The following GPAT4 variants were observed in gnomAD, a reference collection of about 807,000 sequenced individuals.
The protein encoded by GPAT4 is glycerol-3-phosphate acyltransferase 4.
A neutral mutation model predicts 58.0 loss-of-function variants in GPAT4; 17 were observed. That is an observed-to-expected ratio of 0.29 (90% CI 0.20 to 0.44). The LOEUF is 0.44. Among genes scored for constraint, GPAT4 ranks in the 20% least tolerant of loss-of-function variants. GPAT4 has a pLI of 1.00. For missense variants in GPAT4, 377 were observed against 574.5 expected (o/e 0.66, Z 3.51); for synonymous variants, 204 against 210.1 (o/e 0.97, Z 0.25).
At chr8:41,593,917 AG>A (rs1802856999) in intron 1 of GPAT4, among the ~76,000 whole-genome samples, 1 of 152,180 alleles carries the variant, frequency 6.6e-6, no homozygotes, top group African/African-American at 2.4e-5. Context: ...TATTTTTATT[AG>A]TTTTTAGAAC....
chr8:41,593,415 G>A (rs1437273036), intron 1 of GPAT4, among the ~76,000 whole-genome samples: 1 of 152,182 alleles, frequency 6.6e-6, no homozygotes, highest in African/African-American at 2.4e-5. Context: ...TATACACTGG[G>A]AATAGTCCTT....
In GPAT4 at chr8:41,624,694, T is replaced by A. The variant is rs926231282; in HGVS notation, c.*3693T>A. On this transcript the variant is annotated 3_prime_UTR_variant, in exon 13 of 13. Transcript: ENST00000396987. The stretch of plus-strand genomic sequence containing the variant: ...ACCCCACTCTCTCCCCCAGTCAATA[T>A]GTCTCTCTCCGATGGGAAAGTTAAT... The A allele has an allele frequency of 6.6e-6, 1 of 152,266 alleles. No homozygotes were observed. Among genetic ancestry groups the A allele is most frequent in the Admixed American group, 6.5e-5 (1 of 15,286 alleles). The allele number at this position is 152,266 out of a possible 1,614,324, so 9.4% of individuals were successfully genotyped here.
rs534897528 is a variant in GPAT4, at chr8:41,615,165, G to A, written c.1053+117G>A. Reference sequence around the variant, plus strand: ...CAGTCTGTGGTCGATGCCCTCAGCAGAGTGGCGTGGGGCTGGGTTGACGTG... The same window carrying A: ...CAGTCTGTGGTCGATGCCCTCAGCAAAGTGGCGTGGGGCTGGGTTGACGTG... On this transcript the variant is annotated intron_variant, in intron 10 of 12. Transcript: ENST00000396987. The A allele has an allele frequency of 3.9e-5, 35 of 890,690 alleles. No individual in the cohort carries two copies. In the East Asian group the frequency reaches 9.4e-4, roughly 24 times the overall value. The allele number at this position is 890,690 out of a possible 1,614,324, so 55.2% of individuals were successfully genotyped here. A position where few individuals can be genotyped will look rare whatever the true frequency, so the allele number is the denominator to read the frequency against.
intron 6 of GPAT4, 69 bp downstream of exon 6, chr8:41,612,061 C>T (rs74547462): frequency 0.06 from 96,165 of 1,591,782 alleles, 3,338 homozygotes; most frequent in Non-Finnish European, 0.07. Flanking sequence ...TATACTTAGC[C>T]AAATGGGAAG....
At chr8:41,595,123 T>C (rs992238296) in intron 1 of GPAT4, among the ~76,000 whole-genome samples, 2 of 151,680 alleles carry the variant, frequency 1.3e-5, no homozygotes, top group African/African-American at 4.8e-5. Context: ...TAATAAGACC[T>C]TGTTTAGTCC....
At chr8:41,596,850 C>G (rs967166421) in intron 1 of GPAT4, among the ~76,000 whole-genome samples, 3 of 152,202 alleles carry the variant, frequency 2.0e-5, no homozygotes, top group Middle Eastern at 3.2e-3. Flanking sequence ...CATCAGTGGA[C>G]TCACGTCTTC....
intron 2 of GPAT4, among the ~76,000 whole-genome samples, chr8:41,606,641 T>C (rs967403450): frequency 1.3e-5 from 2 of 152,190 alleles, no homozygotes; most frequent in African/African-American, 4.8e-5. Context: ...AGCTAGATGG[T>C]TGATGCTTTT....
intron 1 of GPAT4, among the ~76,000 whole-genome samples, chr8:41,584,279 A>T (rs1802596791): frequency 6.6e-6 from 1 of 152,194 alleles, no homozygotes; most frequent in South Asian, 2.1e-4. Flanking sequence ...TGGGAATACA[A>T]AATGGTACAA....
intron 2 of GPAT4, among the ~76,000 whole-genome samples, chr8:41,600,131 C>G (rs767164885): frequency 6.7e-6 from 1 of 150,202 alleles, no homozygotes; most frequent in Admixed American, 6.7e-5. Context: ...CCCTGCCTCC[C>G]GGGTTCAAGC....
intron 1 of GPAT4, among the ~76,000 whole-genome samples, chr8:41,596,533 G>A (rs953006429): frequency 6.6e-6 from 1 of 152,248 alleles, no homozygotes; most frequent in South Asian, 2.1e-4. Context: ...CCAAGTGCCA[G>A]TTCCTTCCCG....
In GPAT4 at chr8:41,614,237, A is replaced by C. The variant is rs186308377; in HGVS notation, c.912-149A>C. The C allele has an allele frequency of 9.1e-5, 56 of 618,688 alleles. No homozygotes were observed. The East Asian group carries it at 1.5e-3, about 17-fold the overall frequency. 38.3% of individuals were successfully genotyped at this position (618,688 alleles called of 1,614,324 possible). A position where few individuals can be genotyped will look rare whatever the true frequency, so the allele number is the denominator to read the frequency against. ...CCATATACATTTTTTCTTGATGAGCATTAGATTATGGGTTTAAAAGGATAC... is the reference window on the plus strand; with the variant it reads ...CCATATACATTTTTTCTTGATGAGCCTTAGATTATGGGTTTAAAAGGATAC... On this transcript the variant is annotated intron_variant, in intron 8 of 12. Transcript: ENST00000396987.
chr8:41,583,593 TC>T (rs1802580321), intron 1 of GPAT4, among the ~76,000 whole-genome samples: 1 of 152,262 alleles, frequency 6.6e-6, no homozygotes, highest in African/African-American at 2.4e-5. Context: ...TGCATTTTTT[TC>T]ATGCTAAGTC....
intron 1 of GPAT4, among the ~76,000 whole-genome samples, chr8:41,582,473 ACACATCTT>A (rs1431770178): frequency 8.8e-6 from 1 of 113,408 alleles, no homozygotes; most frequent in Non-Finnish European, 2.0e-5. Context: ...ACACACACAC[ACACATCTT>A]TCTTTCTTTC....
At position 41,621,047 on chromosome 8, in the gene GPAT4, C is replaced by G. The variant is rs895329173; in HGVS notation, c.*46C>G. 2 of 1,548,954 alleles carry G rather than the reference C, an allele frequency of 1.3e-6. No homozygotes were observed. Among genetic ancestry groups the G allele is most frequent in the African/African-American group, 2.7e-5 (2 of 73,008 alleles). ...GGCCACCGTGCGGGGTGCCAACGGGCTCAGAGCTGGAGTTGCCGCCGCCGC... is the reference window on the plus strand; with the variant it reads ...GGCCACCGTGCGGGGTGCCAACGGGGTCAGAGCTGGAGTTGCCGCCGCCGC... On this transcript the variant is annotated 3_prime_UTR_variant, in exon 13 of 13. Coordinates refer to ENST00000396987, the MANE Select transcript of GPAT4 (RefSeq NM_178819.4).
At chr8:41,586,429 T>G (rs1198567977) in intron 1 of GPAT4, among the ~76,000 whole-genome samples, 1 of 152,212 alleles carries the variant, frequency 6.6e-6, no homozygotes, top group African/African-American at 2.4e-5. Context: ...GGGTATGTAC[T>G]TAGGAGTAGA....
At chr8:41,610,620 AG>A in intron 4 of GPAT4, 115 bp from the exon 5 acceptor site, 1 of 1,550,010 alleles carries the variant, frequency 6.5e-7, no homozygotes, top group African/African-American at 1.4e-5. Flanking sequence ...TCCAGGTCCC[AG>A]GTGAGCAGGT....
At chr8:41,590,032 G>A (rs546242094) in intron 1 of GPAT4, among the ~76,000 whole-genome samples, 1 of 152,270 alleles carries the variant, frequency 6.6e-6, no homozygotes, top group East Asian at 1.9e-4. Context: ...CTGTATCTTG[G>A]ATTCTGAGAC....
chr8:41,587,096 A>T (rs1802675085), intron 1 of GPAT4, among the ~76,000 whole-genome samples: 1 of 152,186 alleles, frequency 6.6e-6, no homozygotes. Context: ...ATTCAGAATT[A>T]CTGTGAGAGT....
chr8:41,599,110 C>A lies in GPAT4; in HGVS notation c.-30C>A. On this transcript the variant is annotated 5_prime_UTR_variant, in exon 2 of 13. Transcript: ENST00000396987. ...AGGCTGCAATTTGTTCTTAGGGAGG[C>A]AGGTGCTGGCCTGGCCTGGATCTTC... The A allele has an allele frequency of 6.3e-7, 1 of 1,582,676 alleles. No individual in the cohort carries two copies.
Sources: gnomAD v4.1 joint callset for allele counts (sites outside exome capture counted in the v4.1 genomes callset) on GRCh38, gnomAD v4.1.1 for gene constraint, MANE v1.5 for transcripts, NCBI Gene and HGNC (gene_info 2026-07-23, HGNC 2026-07-21) for gene names.